Variants in TAS2R1 observed in about 807,000 individuals in gnomAD.
TAS2R1 encodes taste 2 receptor member 1, also known as taste receptor type 2 member 1.
For missense variants in TAS2R1, 370 were observed against 353.4 expected (o/e 1.05, Z -0.38); for synonymous variants, 141 against 134.2 (o/e 1.05, Z -0.35).
the TAS2R1 span, among the ~76,000 whole-genome samples, chr5:9,755,529 G>C: frequency 6.7e-6 from 1 of 148,750 alleles, no homozygotes; most frequent in Non-Finnish European, 1.5e-5. Context: ...GGAGCTTGCA[G>C]TGAGCCAAGA....
At chr5:9,725,648 G>A in the TAS2R1 span, among the ~76,000 whole-genome samples, 7 of 149,450 alleles carry the variant, frequency 4.7e-5, no homozygotes, top group Admixed American at 1.3e-4. Flanking sequence ...CAGCCTCCCC[G>A]ACGAGCACCG....
the TAS2R1 span, among the ~76,000 whole-genome samples, chr5:9,894,819 G>A: frequency 6.6e-6 from 1 of 152,214 alleles, no homozygotes; most frequent in African/African-American, 2.4e-5. Context: ...TTCTTTGTGT[G>A]GTTCAGTTGG....
intron 2 of TAS2R1, among the ~76,000 whole-genome samples, chr5:9,647,937 C>T (rs1338686923): frequency 1.3e-5 from 2 of 152,062 alleles, no homozygotes; most frequent in East Asian, 3.9e-4. Context: ...GGCTTTTAGT[C>T]AACTTTATTT....
chr5:9,780,465 G>A, the TAS2R1 span, among the ~76,000 whole-genome samples: 1 of 152,294 alleles, frequency 6.6e-6, no homozygotes, highest in Non-Finnish European at 1.5e-5. Context: ...CCCACTAATG[G>A]ACATTGCTAA....
the TAS2R1 span, among the ~76,000 whole-genome samples, chr5:9,761,612 T>C: frequency 6.6e-6 from 1 of 152,252 alleles, no homozygotes. Flanking sequence ...TTCTCTAAAC[T>C]ACACCTGCCC....
At chr5:9,850,095 G>A in the TAS2R1 span, among the ~76,000 whole-genome samples, 2 of 152,044 alleles carry the variant, frequency 1.3e-5, no homozygotes, top group Admixed American at 1.3e-4. Flanking sequence ...CTAACCACAG[G>A]TGCAAACCTT....
At chr5:9,702,689 T>C (rs1741515921) in intron 1 of TAS2R1, among the ~76,000 whole-genome samples, 1 of 152,152 alleles carries the variant, frequency 6.6e-6, no homozygotes, top group South Asian at 2.1e-4. Flanking sequence ...ATTGAAACAA[T>C]GGGCCTGAAT....
chr5:9,774,007 T>C, the TAS2R1 span, among the ~76,000 whole-genome samples: 1 of 152,222 alleles, frequency 6.6e-6, no homozygotes, highest in East Asian at 1.9e-4. Flanking sequence ...CAAAACTTTC[T>C]ACCCCTATCT....
the TAS2R1 span, among the ~76,000 whole-genome samples, chr5:9,763,040 A>AAGAT: frequency 1.3e-5 from 2 of 152,228 alleles, no homozygotes; most frequent in Non-Finnish European, 2.9e-5. Flanking sequence ...GCAAAAACAG[A>AAGAT]AGATAATTAC....
the TAS2R1 span, among the ~76,000 whole-genome samples, chr5:9,892,352 C>T: frequency 2.0e-5 from 3 of 152,182 alleles, no homozygotes; most frequent in Non-Finnish European, 4.4e-5. Flanking sequence ...GTTTCTCAAG[C>T]TTTGTAGAAC....
At chr5:9,635,785 T>A (rs1392418749) in intron 2 of TAS2R1, among the ~76,000 whole-genome samples, 2 of 151,994 alleles carry the variant, frequency 1.3e-5, no homozygotes, top group Non-Finnish European at 2.9e-5. Context: ...GTTGTAATAT[T>A]TCCTGTTTCA....
chr5:9,799,286 G>A, the TAS2R1 span, among the ~76,000 whole-genome samples: 19 of 152,342 alleles, frequency 1.2e-4, no homozygotes, highest in Admixed American at 1.2e-3. Flanking sequence ...GTCATGCATA[G>A]TGCAAACTAA....
At chr5:9,730,355 G>A in the TAS2R1 span, among the ~76,000 whole-genome samples, 1 of 152,162 alleles carries the variant, frequency 6.6e-6, no homozygotes, top group African/African-American at 2.4e-5. Flanking sequence ...TCTTGGCTTT[G>A]AGTAAAAGAA....
At chr5:9,895,306 G>C in the TAS2R1 span, among the ~76,000 whole-genome samples, 1 of 152,192 alleles carries the variant, frequency 6.6e-6, no homozygotes. Context: ...ACCTGGCTTT[G>C]ATCAATAAGC....
chr5:9,779,325 A>G, the TAS2R1 span, among the ~76,000 whole-genome samples: 1 of 152,208 alleles, frequency 6.6e-6, no homozygotes, highest in Non-Finnish European at 1.5e-5. Context: ...TGCTTCCTAT[A>G]CAACCTGCAA....
the TAS2R1 span, among the ~76,000 whole-genome samples, chr5:9,892,594 G>A: frequency 2.1e-4 from 32 of 152,214 alleles, no homozygotes; most frequent in African/African-American, 4.6e-4. Flanking sequence ...TGGAGATGCC[G>A]CTATGCTGCC....
Position 9,629,265 on chromosome 5 carries a change from C to T in TAS2R1, c.768G>A (p.Arg256=). ...FLSSLKFHIR[R]FIFLFFILVI... is the part of the protein sequence containing the mutation. Reference sequence around the variant, plus strand: ...CAAGGATGAAGAACAGAAAGATGAACCTTCTGATGTGAAACTTTAGAGAAG... The same window carrying T: ...CAAGGATGAAGAACAGAAAGATGAATCTTCTGATGTGAAACTTTAGAGAAG... Residue 256 remains arginine (R), a synonymous_variant, in exon 1 of 1, where the codon AGG becomes AGA. Coordinates refer to ENST00000382492, the MANE Select transcript of TAS2R1 (RefSeq NM_019599.3). The T allele has an allele frequency of 6.2e-7, 1 of 1,613,940 alleles. No individual in the cohort carries two copies. Among genetic ancestry groups the T allele is most frequent in the Non-Finnish European group, 8.5e-7 (1 of 1,179,978 alleles).
intron 2 of TAS2R1, among the ~76,000 whole-genome samples, chr5:9,639,354 C>A (rs1740028162): frequency 1.3e-5 from 2 of 152,182 alleles, no homozygotes. Context: ...ACCATTTTAT[C>A]CCTAGGTAGG....
chr5:9,804,838 G>A, the TAS2R1 span, among the ~76,000 whole-genome samples: 90 of 151,758 alleles, frequency 5.9e-4, no homozygotes, highest in Non-Finnish European at 9.6e-4. Flanking sequence ...ATGGAACTAC[G>A]GAAACAAGAA....
Sources: allele counts gnomAD v4.1 joint callset (sites outside exome capture counted in the v4.1 genomes callset), GRCh38; gene constraint gnomAD v4.1.1; transcripts MANE v1.5; gene names NCBI Gene and HGNC (gene_info 2026-07-23, HGNC 2026-07-21).